IFT172: variants seen among roughly 807,000 people sequenced by gnomAD.
The protein encoded by IFT172 is intraflagellar transport 172, also known as intraflagellar transport protein 172 homolog.
In IFT172, 164 loss-of-function variants were observed where a neutral mutation model predicts 248.9. The observed-to-expected ratio is 0.66, with a 90% CI of 0.58 to 0.75. The LOEUF (loss-of-function observed/expected upper bound fraction) is 0.75, where lower values mean the gene tolerates loss of function less well. IFT172 is among the 30% of genes least tolerant of loss of function. IFT172 has a pLI of 0.00. For missense variants in IFT172, 1,950 were observed against 2,192.4 expected, an observed-to-expected ratio of 0.89 and a Z score of 2.21; for synonymous variants, 729 against 791.6, an observed-to-expected ratio of 0.92 and a Z score of 1.33.
intron 42 of IFT172, 82 bp from the exon 43 acceptor site, chr2:27,446,437 G>A: frequency 8.2e-7 from 1 of 1,215,718 alleles, no homozygotes; most frequent in Non-Finnish European, 1.2e-6. Flanking sequence ...GGCAGCCACA[G>A]AACTAAAAAA....
chr2:27,470,216 C>T (rs79784307), intron 16 of IFT172, among the ~76,000 whole-genome samples: 1,626 of 150,268 alleles, frequency 0.011, 31 homozygotes, highest in African/African-American at 0.038. Context: ...TGCACTCCAG[C>T]CTGGGAGATA....
intron 35 of IFT172, among the ~76,000 whole-genome samples, chr2:27,452,044 G>A (rs564692642): frequency 8.0e-4 from 120 of 150,720 alleles, no homozygotes; most frequent in African/African-American, 2.8e-3. Flanking sequence ...TTGGGCTACA[G>A]GGTATCCGGG....
rs576276768 is a variant in IFT172 at position 27,483,341 on chromosome 2, T to C, written c.518A>G (p.Asp173Gly). Reference protein sequence around the residue: ...SGKGILSGHADGTIVRYFFDD... With the variant: ...SGKGILSGHAGGTIVRYFFDD... ...AAAGAAATACCTAACGATGGTACCATCTGCATGACCAGAGAGAATTCCTTT... is the reference window on the plus strand; with the variant it reads ...AAAGAAATACCTAACGATGGTACCACCTGCATGACCAGAGAGAATTCCTTT... Residue 173 changes from aspartate (D) to glycine (G), a missense_variant, in exon 7 of 48, where the codon GAT becomes GGT. By Grantham distance (94) the Asp-to-Gly change is moderately conservative (BLOSUM62 -1). Coordinates refer to ENST00000260570, the MANE Select transcript of IFT172 (RefSeq NM_015662.3). The C allele has an allele frequency of 5.6e-6, 9 of 1,608,228 alleles. No homozygotes were observed. The Admixed American group carries it at 1.5e-4, about 27-fold the overall frequency.
chr2:27,472,400 C>T lies in IFT172; in HGVS notation c.1412-38G>A. 3 of 1,512,394 alleles carry T rather than the reference C, an allele frequency of 2.0e-6. No homozygotes were observed. The South Asian group carries it at 3.4e-5, about 17-fold the overall frequency. The allele number at this position is 1,512,394 out of a possible 1,614,324, so 93.7% of individuals were successfully genotyped here. A position where few individuals can be genotyped will look rare whatever the true frequency, so the allele number is the denominator to read the frequency against. ...GGAGACAGGGTTAAGAAGAGAGATT[C>T]CACACATATACATAGTATGGCCAAC... On this transcript the variant is annotated intron_variant, in intron 14 of 47. Coordinates refer to ENST00000260570, the MANE Select transcript of IFT172 (RefSeq NM_015662.3).
chr2:27,484,254 T>C lies in IFT172; in HGVS notation c.309A>G (p.Lys103=). The C allele has an allele frequency of 1.2e-6, 2 of 1,613,998 alleles. No individual in the cohort carries two copies. Among genetic ancestry groups the C allele is most frequent in the Non-Finnish European group, 1.7e-6 (2 of 1,179,890 alleles). ...YKIGEDWGDK[K]VICNKFIQTS... ...TCTGGATGAACTTGTTGCAGATGACTTTCTTGTCACCCCTGCCAAACAAAA... is the reference window on the plus strand; with the variant it reads ...TCTGGATGAACTTGTTGCAGATGACCTTCTTGTCACCCCTGCCAAACAAAA... The change falls in exon 4 of 48, where the codon AAA becomes AAG. Residue 103 remains lysine (K), a synonymous_variant. Transcript: ENST00000260570.
At position 27,485,494 on chromosome 2, in the gene IFT172, C is replaced by T. The variant is rs1668693534; in HGVS notation, c.49G>A (p.Ala17Thr). 6.2e-7 allele frequency: 1 copy of T among 1,614,018 alleles called. No individual in the cohort carries two copies. The highest frequency in any genetic ancestry group is 8.5e-7 in the Non-Finnish European group (1 of 1,179,902). ...GACCAAGCCATGCAGGTCACCTTTGCAGCTCCATCCTGTAGAGGCAAAGGG... is the reference window on the plus strand; with the variant it reads ...GACCAAGCCATGCAGGTCACCTTTGTAGCTCCATCCTGTAGAGGCAAAGGG... ...RTLLSPQDGA[A>T]KVTCMAWSQN... The change falls in exon 2 of 48, where the codon GCA becomes ACA. Residue 17 changes from alanine to threonine, a missense_variant. Ala to Thr is a moderately conservative substitution (Grantham distance 58, BLOSUM62 0). Coordinates refer to ENST00000260570, the MANE Select transcript of IFT172 (RefSeq NM_015662.3).
At chr2:27,451,125 G>T (rs1370879163) in intron 35 of IFT172, among the ~76,000 whole-genome samples, 1 of 152,032 alleles carries the variant, frequency 6.6e-6, no homozygotes, top group African/African-American at 2.4e-5. Context: ...AGTGTTCAAT[G>T]AGATCACTCT....
intron 30 of IFT172, chr2:27,455,721 C>A (rs1666101719): frequency 2.7e-6 from 1 of 365,656 alleles, no homozygotes; most frequent in Non-Finnish European, 5.2e-6. Flanking sequence ...AGAAAAAAAA[C>A]AAAAAAGAAA....
chr2:27,487,466 A>G (rs902995281), intron 1 of IFT172, among the ~76,000 whole-genome samples: 8 of 152,254 alleles, frequency 5.3e-5, no homozygotes, highest in African/African-American at 1.4e-4. Flanking sequence ...ATTTTACCTC[A>G]TAACACTGAG....
In IFT172 at chr2:27,472,314, C is replaced by G; in HGVS notation, c.1460G>C (p.Arg487Pro). 6.2e-7 allele frequency: 1 copy of G among 1,614,150 alleles called. No homozygotes were observed. The highest frequency in any genetic ancestry group is 1.3e-5 in the African/African-American group (1 of 75,044). Reference sequence around the variant, plus strand: ...CTCATTAAGTTCCAGCCAATCCACACGGCTCTCATGGCTGACGGTGCCAAT... The same window carrying G: ...CTCATTAAGTTCCAGCCAATCCACAGGGCTCTCATGGCTGACGGTGCCAAT... Reference protein sequence around the residue: ...YNIGTVSHESRVDWLELNETG... With the variant: ...YNIGTVSHESPVDWLELNETG... The change falls in exon 15 of 48, where the codon CGT (arginine) becomes CCT (proline). Residue 487 changes from arginine to proline, a missense_variant. Coordinates refer to ENST00000260570, the MANE Select transcript of IFT172 (RefSeq NM_015662.3).
intron 26 of IFT172, 69 bp downstream of exon 26, chr2:27,458,710 G>C: frequency 6.4e-7 from 1 of 1,553,140 alleles, no homozygotes; most frequent in South Asian, 1.2e-5. Flanking sequence ...GGAGAAACAG[G>C]TATCAAGGAA....
At position 27,461,291 on chromosome 2, in the gene IFT172, A is replaced by G; in HGVS notation, c.2420T>C (p.Ile807Thr). ...ELVEHITAALIKGELYERAGD... is the reference protein window; with the variant it reads ...ELVEHITAALTKGELYERAGD... ...TACCCTTTCGTAGAGTTCCCCCTTG[A>G]TAAGGGCTGCAGTGATGTGTTCTAC... Residue 807 changes from isoleucine to threonine, a missense_variant, in exon 22 of 48, where the codon ATC (isoleucine) becomes ACC (threonine). By Grantham distance (89) the Ile-to-Thr change is moderately conservative (BLOSUM62 -1). Coordinates refer to ENST00000260570, the MANE Select transcript of IFT172 (RefSeq NM_015662.3). 1 of 1,614,062 alleles carries G rather than the reference A, an allele frequency of 6.2e-7. No homozygotes were observed. The highest frequency in any genetic ancestry group is 8.5e-7 in the Non-Finnish European group (1 of 1,179,986).
At chr2:27,459,157 G>C in intron 25 of IFT172, 1 of 634,900 alleles carries the variant, frequency 1.6e-6, no homozygotes, top group East Asian at 2.8e-5. Context: ...CTGGAACACA[G>C]CTAGAGACTC....
intron 23 of IFT172, 140 bp downstream of exon 23, chr2:27,460,875 T>C (rs1666601916): frequency 1.1e-6 from 1 of 889,238 alleles, no homozygotes; most frequent in Non-Finnish European, 1.8e-6. Flanking sequence ...TCTGTGTCTT[T>C]TTCTTTTCCA....
intron 42 of IFT172, 143 bp from the exon 43 acceptor site, chr2:27,446,498 G>GCT: frequency 1.7e-6 from 1 of 587,732 alleles, no homozygotes; most frequent in South Asian, 2.2e-5. Flanking sequence ...CTGGGTCTTA[G>GCT]TTTTTTTTTT....
Position 27,447,843 on chromosome 2 carries a change from C to G in IFT172, c.4508G>C (p.Trp1503Ser). Residue 1503 changes from tryptophan to serine, a missense_variant, in exon 41 of 48, where the codon TGG becomes TCG. This residue lies in a region of IFT172 where 620 missense variants were observed against 699.0 expected (regional missense o/e 0.89). Transcript: ENST00000260570. ...GTNCAEAYHSWADLRDVLFNL... is the reference protein window; with the variant it reads ...GTNCAEAYHSSADLRDVLFNL... ...GAAGAGGACATCTCGAAGATCAGCC[C>G]AGCTATGATAGGCCTCGGCACAGTT... is the stretch of plus-strand genomic sequence containing the variant. 2 of 1,613,764 alleles carry G rather than the reference C, an allele frequency of 1.2e-6. No individual in the cohort carries two copies. Among genetic ancestry groups the G allele is most frequent in the African/African-American group, 2.7e-5 (2 of 75,028 alleles).
Position 27,457,970 on chromosome 2 carries a change from A to G in IFT172, c.2982T>C (p.Tyr994=), listed in dbSNP as rs757083011. 10 of 1,614,052 alleles carry G rather than the reference A, an allele frequency of 6.2e-6. No homozygotes were observed. Among genetic ancestry groups the G allele is most frequent in the Middle Eastern group, 1.6e-4 (1 of 6,084 alleles). ...QGKYREAERL[Y]VTVQEPDLAI... Reference sequence around the variant, plus strand: ...CAAGATCAGGCTCTTGTACTGTCACATATAGCCTGGGGAAGGAGATACATC... The same window carrying G: ...CAAGATCAGGCTCTTGTACTGTCACGTATAGCCTGGGGAAGGAGATACATC... The change falls in exon 28 of 48, where the codon TAT becomes TAC. Residue 994 remains tyrosine (Y), a synonymous_variant. Transcript: ENST00000260570.
chr2:27,483,796 A>C, intron 5 of IFT172, 76 bp downstream of exon 5: 1 of 1,453,454 alleles, frequency 6.9e-7, no homozygotes. Context: ...CCTAAGAAAG[A>C]GGATGAACCA....
In IFT172 at chr2:27,483,599, C is replaced by G. The variant is rs149969430; in HGVS notation, c.463G>C (p.Val155Leu). ...SSTIYGTESY[V>L]VSLTTNCSGK... is the part of the protein sequence containing the mutation. ...ACTCACTTTGTTGTCAGGGACACCA[C>G]GTAAGACTCTGTCCCATAGATGGTA... Residue 155 changes from valine (V) to leucine (L), a missense_variant, in exon 6 of 48, where the codon GTG (valine) becomes CTG (leucine). This residue lies in a region of IFT172 where 1,166 missense variants were observed against 1,254.1 expected (regional missense o/e 0.93). Coordinates refer to ENST00000260570, the MANE Select transcript of IFT172 (RefSeq NM_015662.3). 3.7e-6 allele frequency: 6 copies of G among 1,613,970 alleles called. No individual in the cohort carries two copies. The Admixed American group carries it at 1.0e-4, about 27-fold the overall frequency.
Sources: gnomAD v4.1 joint callset for allele counts (sites outside exome capture counted in the v4.1 genomes callset) on GRCh38, gnomAD v4.1.1 for gene constraint, gnomAD v4.1.1 regional missense constraint, MANE v1.5 for transcripts, NCBI Gene and HGNC (gene_info 2026-07-23, HGNC 2026-07-21) for gene names.